Variants in RPH3A observed in about 807,000 individuals in gnomAD.
RPH3A encodes the protein rabphilin 3A.
In RPH3A, 48 loss-of-function variants were observed where a neutral mutation model predicts 102.2. That is an observed-to-expected ratio of 0.47 (90% CI 0.37 to 0.60). The LOEUF (loss-of-function observed/expected upper bound fraction) is 0.60. Ranked by LOEUF, RPH3A falls within the 20% of genes least tolerant of loss-of-function variation. RPH3A has a pLI of 0.00. For missense variants in RPH3A, 781 were observed against 910.1 expected, an observed-to-expected ratio of 0.86 and a Z score of 1.83; for synonymous variants, 310 against 324.3, an observed-to-expected ratio of 0.96 and a Z score of 0.47.
chr12:112,757,335 G>A (rs1044825868), intron 1 of RPH3A, among the ~76,000 whole-genome samples: 7 of 152,196 alleles, frequency 4.6e-5, no homozygotes, highest in Non-Finnish European at 8.8e-5. Context: ...CAAGTTAGTA[G>A]CCTTCTGCGG....
intron 3 of RPH3A, 63 bp downstream of exon 3, chr12:112,828,452 C>A: frequency 1.6e-6 from 2 of 1,231,890 alleles, no homozygotes; most frequent in Admixed American, 2.2e-5. Context: ...GACAATTCTA[C>A]ACTTGAAAAA....
chr12:112,747,569 T>A (rs1488586026), intron 1 of RPH3A, among the ~76,000 whole-genome samples: 1 of 152,158 alleles, frequency 6.6e-6, no homozygotes, highest in Admixed American at 6.5e-5. Context: ...TCTAGAACAG[T>A]GCCTGGCACA....
intron 1 of RPH3A, among the ~76,000 whole-genome samples, chr12:112,754,875 C>T (rs1027720728): frequency 5.3e-5 from 8 of 152,198 alleles, no homozygotes; most frequent in African/African-American, 7.2e-5. Context: ...TAACAATGCC[C>T]GGTTCTGCTT....
chr12:112,864,921 G>A (rs1276190269), intron 5 of RPH3A, among the ~76,000 whole-genome samples: 1 of 152,150 alleles, frequency 6.6e-6, no homozygotes, highest in African/African-American at 2.4e-5. Flanking sequence ...CCTGCCACGG[G>A]GTTTCTGGTT....
intron 1 of RPH3A, among the ~76,000 whole-genome samples, chr12:112,654,908 C>G (rs117017398): frequency 6.6e-6 from 1 of 152,178 alleles, no homozygotes; most frequent in African/African-American, 2.4e-5. Flanking sequence ...TAAGCAAAAT[C>G]GTGAAAGGCT....
chr12:112,890,974 T>G lies in RPH3A; in HGVS notation c.1746T>G (p.Ala582=), dbSNP rs751239360. 6.8e-6 allele frequency: 11 copies of G among 1,614,140 alleles called. No homozygotes were observed. The East Asian group carries it at 2.2e-4, about 33-fold the overall frequency. ...GCGTGCACCTGGCTGCCATGGACGC[T>G]AATGGCTACTCAGACCCATTCGTCA... is the stretch of plus-strand genomic sequence containing the variant. The part of the protein sequence containing the change: ...IRCVHLAAMD[A]NGYSDPFVKL... The change falls in exon 19 of 22, where the codon GCT becomes GCG. Residue 582 remains alanine, a synonymous_variant. Coordinates refer to ENST00000389385, the MANE Select transcript of RPH3A (RefSeq NM_001143854.2).
At chr12:112,580,064 G>A (rs898375247) in intron 1 of RPH3A, among the ~76,000 whole-genome samples, 5 of 152,152 alleles carry the variant, frequency 3.3e-5, no homozygotes, top group African/African-American at 1.2e-4. Context: ...GCTATGGATA[G>A]AGAGAGGAAC....
chr12:112,659,547 G>A (rs1001565523), intron 1 of RPH3A, among the ~76,000 whole-genome samples: 2 of 152,114 alleles, frequency 1.3e-5, no homozygotes, highest in African/African-American at 4.8e-5. Context: ...CATTACTGAT[G>A]GTATTCAATT....
intron 1 of RPH3A, among the ~76,000 whole-genome samples, chr12:112,728,216 T>C (rs1425697558): frequency 1.3e-5 from 2 of 152,186 alleles, no homozygotes; most frequent in African/African-American, 2.4e-5. Flanking sequence ...CATGGAAGCA[T>C]GGCAATTTAT....
chr12:112,694,679 CACACAGAG>C lies in RPH3A; in HGVS notation c.-139-97462_-139-97455del, dbSNP rs1238409283. ...ACACACACACACACACACACACACA[CACACAGAG>C]AGAGAGAGAGAGAGATTCTGTTTAC... On this transcript the variant is annotated intron_variant, in intron 1 of 21. Coordinates refer to the RPH3A transcript ENST00000543106. Among the ~76,000 whole-genome samples, 24 of 143,816 alleles carry C rather than the reference CACACAGAG, an allele frequency of 1.7e-4. 1 individual carries two copies. Among genetic ancestry groups the C allele is most frequent in the African/African-American group, 4.9e-4 (18 of 36,720 alleles). 94.3% of individuals were successfully genotyped at this position (143,816 alleles called of 152,430 possible).
At chr12:112,643,290 A>C (rs1424363086) in intron 1 of RPH3A, among the ~76,000 whole-genome samples, 1 of 152,162 alleles carries the variant, frequency 6.6e-6, no homozygotes, top group Non-Finnish European at 1.5e-5. Context: ...ACCATGACTC[A>C]TGTGTCTTGT....
intron 1 of RPH3A, among the ~76,000 whole-genome samples, chr12:112,580,787 C>T (rs2135958118): frequency 6.6e-6 from 1 of 152,206 alleles, no homozygotes; most frequent in East Asian, 1.9e-4. Context: ...GTAGTTTAGT[C>T]AAGATAGTCT....
intron 3 of RPH3A, among the ~76,000 whole-genome samples, chr12:112,830,014 C>A (rs7961650): frequency 0.2 from 30,582 of 151,974 alleles, 3,499 homozygotes; most frequent in African/African-American, 0.3. Context: ...TTTAATATCA[C>A]CCTGTCATTT....
chr12:112,690,143 T>G (rs1249858896), intron 1 of RPH3A, among the ~76,000 whole-genome samples: 2 of 152,154 alleles, frequency 1.3e-5, no homozygotes, highest in African/African-American at 4.8e-5. Context: ...CAAATACCAT[T>G]TGTAGAAAAG....
intron 1 of RPH3A, among the ~76,000 whole-genome samples, chr12:112,757,415 T>A (rs2040828851): frequency 6.6e-6 from 1 of 152,212 alleles, no homozygotes; most frequent in East Asian, 1.9e-4. Flanking sequence ...GGAGGACTAC[T>A]ATAATTAACA....
chr12:112,592,758 C>A (rs1295947594), intron 1 of RPH3A, among the ~76,000 whole-genome samples: 2 of 152,216 alleles, frequency 1.3e-5, no homozygotes, highest in East Asian at 3.8e-4. Flanking sequence ...GTGGCAGAGA[C>A]AATAATGTTC....
intron 1 of RPH3A, among the ~76,000 whole-genome samples, chr12:112,675,427 G>A (rs532416222): frequency 2.6e-5 from 4 of 152,130 alleles, no homozygotes; most frequent in African/African-American, 9.7e-5. Flanking sequence ...TACCAGCAAC[G>A]GTGCTCTATT....
intron 10 of RPH3A, among the ~76,000 whole-genome samples, chr12:112,873,463 A>G (rs79565590): frequency 0.016 from 2,512 of 152,322 alleles, 28 homozygotes; most frequent in Non-Finnish European, 0.025. Context: ...TCCAGGGCTT[A>G]ATCCTGGAAT....
At chr12:112,807,580 A>G (rs1050511682) in intron 2 of RPH3A, among the ~76,000 whole-genome samples, 1 of 152,220 alleles carries the variant, frequency 6.6e-6, no homozygotes, top group Admixed American at 6.5e-5. Flanking sequence ...GAAGATAACA[A>G]TAACAACTAC....
Sources: gnomAD v4.1 joint callset for allele counts (sites outside exome capture counted in the v4.1 genomes callset) on GRCh38, gnomAD v4.1.1 for gene constraint, MANE v1.5 for transcripts, NCBI Gene and HGNC (gene_info 2026-07-23, HGNC 2026-07-21) for gene names.